Variants in CACNA1S observed in about 807,000 individuals in gnomAD.
CACNA1S encodes the protein voltage-dependent L-type calcium channel subunit alpha-1S.
A neutral mutation model predicts 207.4 loss-of-function variants in CACNA1S; 126 were observed. The observed-to-expected ratio is 0.61, with a 90% CI of 0.53 to 0.70. The LOEUF is 0.70. Among genes scored for constraint, CACNA1S ranks in the 30% least tolerant of loss-of-function variants. CACNA1S has a pLI of 0.00. For synonymous variants in CACNA1S, 960 were observed against 932.7 expected, an observed-to-expected ratio of 1.03 and a Z score of -0.53; for missense variants, 2,349 against 2,422.8, an observed-to-expected ratio of 0.97 and a Z score of 0.64.
Position 201,053,903 on chromosome 1 carries a change from C to T in CACNA1S, c.3667-316G>A, listed in dbSNP as rs981554317. Among the ~76,000 whole-genome samples the T allele has an allele frequency of 1.2e-4, 18 of 152,096 alleles. No individual in the cohort carries two copies. Among genetic ancestry groups the T allele is most frequent in the Admixed American group, 5.9e-4 (9 of 15,286 alleles). On this transcript the variant is annotated intron_variant, in intron 29 of 43. Transcript: ENST00000362061. This position sits in a 1 kb window ranked among gnomAD's most constrained non-coding sequence, Gnocchi z 5.1. ...AGGCCCACTGCCTGCCCTCTGGGAC[C>T]TGCTGCACATCTCACAATCTCCTCA...
Position 201,104,683 on chromosome 1 carries a change from A to G in CACNA1S, c.258+5481T>C, listed in dbSNP as rs1026498883. 4.6e-5 allele frequency among the ~76,000 whole-genome samples: 7 copies of G among 152,368 alleles called. No homozygotes were observed. In the East Asian group the frequency reaches 1.3e-3, roughly 29 times the overall value. ...TCACAGTTGTGTTTTCACTTTTTGA[A>G]CATCATACTTTGACATAGGATTGCT... is the stretch of plus-strand genomic sequence containing the variant. On this transcript the variant is annotated intron_variant, in intron 2 of 43. Coordinates refer to ENST00000362061, the MANE Select transcript of CACNA1S (RefSeq NM_000069.3).
chr1:201,090,659 A>G (rs10159219), intron 5 of CACNA1S, among the ~76,000 whole-genome samples: 40,415 of 152,020 alleles, frequency 0.27, 5,613 homozygotes, highest in Middle Eastern at 0.35. Flanking sequence ...ATTCTTTCAG[A>G]GTGTCGGCCT....
chr1:201,053,558 G>A lies in CACNA1S; in HGVS notation c.3696C>T (p.Ser1232=), dbSNP rs570706043. ...TGACACGGAACAGGCGGAAGAAGGC[G>A]CTGGAGATGCGGGCACTCTCATCTG... ...VDPDESARIS[S]AFFRLFRVMR... The change falls in exon 30 of 44, where the codon AGC becomes AGT. Residue 1232 remains serine (S), a synonymous_variant. Coordinates refer to ENST00000362061, the MANE Select transcript of CACNA1S (RefSeq NM_000069.3). This position sits in a 1 kb window ranked among gnomAD's most constrained non-coding sequence, Gnocchi z 5.1. 43 of 1,614,050 alleles carry A rather than the reference G, an allele frequency of 2.7e-5. No homozygotes were observed. The highest frequency in any genetic ancestry group is 1.2e-4 in the Admixed American group (7 of 60,022).
intron 10 of CACNA1S, among the ~76,000 whole-genome samples, chr1:201,081,868 C>A (rs1393082757): frequency 2.6e-5 from 4 of 152,170 alleles, no homozygotes; most frequent in Admixed American, 6.5e-5. Flanking sequence ...CTGCTTTCGC[C>A]ATGTGACATG....
chr1:201,046,471 G>A (rs903184831), intron 38 of CACNA1S, among the ~76,000 whole-genome samples: 5 of 150,392 alleles, frequency 3.3e-5, no homozygotes, highest in African/African-American at 9.7e-5. Flanking sequence ...GTGAGCCACC[G>A]CACCTGGACC....
chr1:201,042,960 G>T, intron 40 of CACNA1S: 3 of 350,942 alleles, frequency 8.5e-6, no homozygotes, highest in African/African-American at 2.1e-5. Context: ...TTTGTGGTAT[G>T]TGCTACCACC....
chr1:201,093,727 C>T (rs1015076179), intron 3 of CACNA1S, among the ~76,000 whole-genome samples, 155 bp downstream of exon 3: 3 of 152,194 alleles, frequency 2.0e-5, no homozygotes, highest in African/African-American at 7.2e-5. Context: ...TGGACAGCTC[C>T]CTTGCTGGGC....
intron 7 of CACNA1S, among the ~76,000 whole-genome samples, chr1:201,086,210 C>T (rs1662036215): frequency 6.6e-6 from 1 of 152,310 alleles, no homozygotes; most frequent in Non-Finnish European, 1.5e-5. Flanking sequence ...CAGGGCAGGT[C>T]GAGTTGCCCT....
intron 42 of CACNA1S, 43 bp downstream of exon 42, chr1:201,040,579 G>A: frequency 6.4e-7 from 1 of 1,560,372 alleles, no homozygotes; most frequent in Non-Finnish European, 8.8e-7. Flanking sequence ...GGCCAGGCAG[G>A]GTCTCTGTAT....
chr1:201,068,084 G>A (rs76390707), intron 19 of CACNA1S, among the ~76,000 whole-genome samples: 4,217 of 152,162 alleles, frequency 0.028, 140 homozygotes, highest in East Asian at 0.17. Context: ...TGGATAAGGT[G>A]TGGAAAAGGC....
chr1:201,101,061 CT>C (rs1355487538), intron 2 of CACNA1S, among the ~76,000 whole-genome samples: 1 of 152,038 alleles, frequency 6.6e-6, no homozygotes, highest in Non-Finnish European at 1.5e-5. Flanking sequence ...TTTTAATGTC[CT>C]TTTAAATGTG....
rs1183708402 is a variant in CACNA1S, at chr1:201,040,639, G to T, written c.5209C>A (p.Pro1737Thr). The change falls in exon 42 of 44, where the codon CCT (proline) becomes ACT (threonine). Residue 1737 changes from proline to threonine, a missense_variant. Transcript: ENST00000362061. The stretch of plus-strand genomic sequence containing the variant: ...ACTGTTACCTGGCAGGGGGCAGGAG[G>T]TGCCTGGCCTCTGGGCATTGCCCTC... ...TQRAMPRGQA[P>T]PAPCQCPRVE... 6.2e-7 allele frequency: 1 copy of T among 1,614,064 alleles called. No homozygotes were observed. Among genetic ancestry groups the T allele is most frequent in the African/African-American group, 1.3e-5 (1 of 75,060 alleles).
chr1:201,070,987 C>A (rs1402713249), intron 16 of CACNA1S, among the ~76,000 whole-genome samples: 1 of 152,096 alleles, frequency 6.6e-6, no homozygotes, highest in Non-Finnish European at 1.5e-5. Flanking sequence ...TGAGCTTCAC[C>A]CAGTCCCCAG....
At chr1:201,080,580 T>A (rs1459209947) in intron 10 of CACNA1S, among the ~76,000 whole-genome samples, 1 of 152,210 alleles carries the variant, frequency 6.6e-6, no homozygotes, top group African/African-American at 2.4e-5. Context: ...TAATCTTGTT[T>A]TCTATTTATT....
At chr1:201,040,499 C>T (rs1278317538) in intron 42 of CACNA1S, 123 bp downstream of exon 42, 60 of 1,418,282 alleles carry the variant, frequency 4.2e-5, no homozygotes, top group Non-Finnish European at 5.7e-5. Context: ...GGAGGGATCC[C>T]GTCCCTTCTG....
Position 201,070,341 on chromosome 1 carries a change from AG to A in CACNA1S, c.2290del (p.Leu764CysfsTer3). 6.2e-7 allele frequency: 1 copy of A among 1,614,130 alleles called. No homozygotes were observed. Among genetic ancestry groups the A allele is most frequent in the Non-Finnish European group, 8.5e-7 (1 of 1,180,024 alleles). Reference protein sequence around the residue: ...LSPRPRPLAELQLKEKAVPIP... With the variant: ...LSPRPRPLAEXQLKEKAVPIP... ...GGGCACGGCCTTCTCTTTCAGCTGC[AG>A]CTCAGCCAGGGGACGTGGTCGGGGG... On this transcript the variant is annotated frameshift_variant, in exon 17 of 44. Transcript: ENST00000362061. LOFTEE classifies it high-confidence loss of function.
In CACNA1S at chr1:201,048,644, G is replaced by A. The variant is rs759675544; in HGVS notation, c.4379C>T (p.Thr1460Ile). 2 of 1,613,862 alleles carry A rather than the reference G, an allele frequency of 1.2e-6. No homozygotes were observed. Among genetic ancestry groups the A allele is most frequent in the Non-Finnish European group, 1.7e-6 (2 of 1,180,022 alleles). The change falls in exon 36 of 44, where the codon ACA (threonine) becomes ATA (isoleucine). Residue 1460 changes from threonine to isoleucine, a missense_variant. Physicochemically the swap from Thr to Ile is moderately conservative, Grantham distance 89. Coordinates refer to ENST00000362061, the MANE Select transcript of CACNA1S (RefSeq NM_000069.3). Reference protein sequence around the residue: ...GMNMPLNSDGTVTFNATLFAL... With the variant: ...GMNMPLNSDGIVTFNATLFAL... ...AAAGAGTGTGGCATTGAAGGTGACT[G>A]TGCCGTCGCTGTTCAGGGGCATGTT...
At position 201,044,440 on chromosome 1, in the gene CACNA1S, A is replaced by G; in HGVS notation, c.4685T>C (p.Ile1562Thr). The G allele has an allele frequency of 6.2e-7, 1 of 1,612,340 alleles. No individual in the cohort carries two copies. The highest frequency in any genetic ancestry group is 8.5e-7 in the Non-Finnish European group (1 of 1,179,536). The change falls in exon 39 of 44, where the codon ATT becomes ACT. Residue 1562 changes from isoleucine to threonine, a missense_variant. Transcript: ENST00000362061. The part of the protein sequence containing the change: ...IVQIQAGLRT[I>T]EEEAAPEICR... ...GATCTCGGGGGCTGCCTCTTCCTCA[A>G]TGGTCCGCAGCCCTGCCTGGGGATG...
rs759053094 is a variant in CACNA1S at position 201,047,526 on chromosome 1, T to C, written c.4542A>G (p.Gly1514=). ...CTGGTCCCCCAAAGTAGCACCTACC[T>C]CCTATTGGAGGGATGACCTGGTCCA... ...KLLDQVIPPI[G]DDEVTVGKFY... is the part of the protein sequence containing the mutation. Residue 1514 remains glycine, a splice_region_variant and synonymous_variant, in exon 37 of 44, where the codon GGA becomes GGG. Transcript: ENST00000362061. 4 of 1,612,376 alleles carry C rather than the reference T, an allele frequency of 2.5e-6. No individual in the cohort carries two copies. Among genetic ancestry groups the C allele is most frequent in the Non-Finnish European group, 2.5e-6 (3 of 1,178,392 alleles).
Sources: gnomAD v4.1 joint callset for allele counts (sites outside exome capture counted in the v4.1 genomes callset) on GRCh38, gnomAD v4.1.1 for gene constraint, Gnocchi (gnomAD v3.1) non-coding constraint, MANE v1.5 for transcripts, NCBI Gene and HGNC (gene_info 2026-07-23, HGNC 2026-07-21) for gene names.